Variants in TP53BP1 observed in about 807,000 individuals in gnomAD.
TP53BP1 encodes tumor protein p53 binding protein 1.
TP53BP1 carries 61 observed loss-of-function variants against 200.8 expected under a neutral mutation model. That is an observed-to-expected ratio of 0.30 (90% CI 0.25 to 0.38). The LOEUF is 0.38. TP53BP1 is among the 10% of genes least tolerant of loss of function. The pLI is 1.00. For synonymous variants in TP53BP1, 822 were observed against 844.3 expected (o/e 0.97, Z 0.46); for missense variants, 2,144 against 2,371.9 (o/e 0.90, Z 2.00).
intron 4 of TP53BP1, among the ~76,000 whole-genome samples, chr15:43,487,318 G>A (rs980327750): frequency 1.1e-4 from 12 of 108,720 alleles, no homozygotes; most frequent in African/African-American, 2.7e-4. Context: ...AACACCAAAT[G>A]CCAGTAAGGA....
Position 43,474,696 on chromosome 15 carries a change from G to A in TP53BP1, c.1157C>T (p.Pro386Leu). ...ACCTTGTCTCCCTTCTTGCTCTGTG[G>A]GACTGCTAGGAACGATAAAAGGAGT... is the stretch of plus-strand genomic sequence containing the variant. ...RSTPFIVPSSPTEQEGRQDKP... is the reference protein window; with the variant it reads ...RSTPFIVPSSLTEQEGRQDKP... Residue 386 changes from proline to leucine, a missense_variant, in exon 10 of 28, where the codon CCC (proline) becomes CTC (leucine). Physicochemically the swap from Pro to Leu is moderately conservative, Grantham distance 98. Coordinates refer to ENST00000382044, the MANE Select transcript of TP53BP1 (RefSeq NM_001141980.3). The A allele has an allele frequency of 6.2e-7, 1 of 1,612,606 alleles. No individual in the cohort carries two copies. The highest frequency in any genetic ancestry group is 8.5e-7 in the Non-Finnish European group (1 of 1,178,698).
At chr15:43,482,194 A>G (rs972208540) in intron 4 of TP53BP1, among the ~76,000 whole-genome samples, 1 of 152,018 alleles carries the variant, frequency 6.6e-6, no homozygotes, top group African/African-American at 2.4e-5. Flanking sequence ...GCGCCACTGC[A>G]CTCCAGCCTG....
intron 16 of TP53BP1, among the ~76,000 whole-genome samples, chr15:43,435,734 T>G (rs767134826): frequency 6.6e-6 from 1 of 152,036 alleles, no homozygotes; most frequent in Non-Finnish European, 1.5e-5. Context: ...TCTCACTCTC[T>G]CGCCAGGCTG....
At chr15:43,454,145 C>T (rs1041967190) in intron 12 of TP53BP1, among the ~76,000 whole-genome samples, 2 of 151,636 alleles carry the variant, frequency 1.3e-5, no homozygotes, top group Admixed American at 1.3e-4. Flanking sequence ...GCAGAGGTTG[C>T]AGTGAGCTGA....
intron 7 of TP53BP1, among the ~76,000 whole-genome samples, chr15:43,478,088 C>T (rs1389127266): frequency 6.6e-6 from 1 of 152,170 alleles, no homozygotes; most frequent in Non-Finnish European, 1.5e-5. Flanking sequence ...ATAAAGAATT[C>T]TGATCCAGAC....
At chr15:43,451,217 G>T (rs1030114141) in intron 12 of TP53BP1, among the ~76,000 whole-genome samples, 4 of 150,856 alleles carry the variant, frequency 2.7e-5, no homozygotes, top group Non-Finnish European at 5.9e-5. Flanking sequence ...AAGTTTTAGG[G>T]TACATGTGCA....
intron 11 of TP53BP1, among the ~76,000 whole-genome samples, chr15:43,460,585 T>C (rs2046406539): frequency 6.6e-6 from 1 of 152,144 alleles, no homozygotes; most frequent in African/African-American, 2.4e-5. Context: ...TTTAAGGGAA[T>C]GAGGAATCAA....
intron 11 of TP53BP1, among the ~76,000 whole-genome samples, chr15:43,460,029 T>C (rs1410140438): frequency 1.3e-5 from 2 of 152,184 alleles, no homozygotes; most frequent in Non-Finnish European, 1.5e-5. Flanking sequence ...CTCTCTACTT[T>C]GATGGTGGTG....
chr15:43,413,258 C>G lies in TP53BP1; in HGVS notation c.5166G>C (p.Glu1722Asp). 6.8e-6 allele frequency: 11 copies of G among 1,614,208 alleles called. No homozygotes were observed. The highest frequency in any genetic ancestry group is 9.3e-6 in the Non-Finnish European group (11 of 1,180,032). The change falls in exon 24 of 28, where the codon GAG (glutamate) becomes GAC (aspartate). Residue 1722 changes from glutamate to aspartate, a missense_variant. Physicochemically the swap from Glu to Asp is conservative, Grantham distance 45 (BLOSUM62 2). Around this residue, in one of 4 missense-constraint regions of TP53BP1, gnomAD observed 334 missense variants for 453.4 expected, o/e 0.74. Transcript: ENST00000382044. ...DNTGEPSALEEQRGPLPLNKT... is the reference protein window; with the variant it reads ...DNTGEPSALEDQRGPLPLNKT... ...TGTTGAGAGGCAAAGGCCCTCTCTG[C>G]TCTTCCAGGGCAGAGGGTTCACCGG...
Position 43,421,869 on chromosome 15 carries a change from G to A in TP53BP1, c.4086C>T (p.Gly1362=). ...CCTGTCTGCACCTCAGTTTTCCTGG[G>A]CCTCCTCGGGAGCTGGGTAAGGCAA... The part of the protein sequence containing the change: ...ADFALPSSRG[G]PGKLSPRKGV... Residue 1362 remains glycine (G), a synonymous_variant, in exon 19 of 28, where the codon GGC becomes GGT. Coordinates refer to ENST00000382044, the MANE Select transcript of TP53BP1 (RefSeq NM_001141980.3). The A allele has an allele frequency of 1.9e-6, 3 of 1,614,164 alleles. No homozygotes were observed. The highest frequency in any genetic ancestry group is 2.5e-6 in the Non-Finnish European group (3 of 1,180,024).
At position 43,414,005 on chromosome 15, in the gene TP53BP1, C is replaced by T. The variant is rs777724980; in HGVS notation, c.5090-671G>A. ...GAACCAGCCAGCCAGAACACCCATG[C>T]CAAGAGTGCCCCCAATAAGTCCTTG... On this transcript the variant is annotated intron_variant, in intron 23 of 27. Transcript: ENST00000382044. 417 of 406,358 alleles carry T rather than the reference C, an allele frequency of 1.0e-3. 1 individual carries two copies. Among genetic ancestry groups the T allele is most frequent in the Non-Finnish European group, 3.0e-4 (60 of 197,352 alleles). 25.2% of individuals were successfully genotyped at this position (406,358 alleles called of 1,614,324 possible). A position where few individuals can be genotyped will look rare whatever the true frequency, so the allele number is the denominator to read the frequency against.
At chr15:43,415,076 GGAA>G (rs1479780025) in intron 23 of TP53BP1, 2 of 182,120 alleles carry the variant, frequency 1.1e-5, no homozygotes, top group Non-Finnish European at 2.3e-5. Context: ...AGAATTTCCA[GGAA>G]GAAGATGGTG....
At chr15:43,413,004 G>C (rs2045162338) in intron 24 of TP53BP1, 115 bp downstream of exon 24, 1 of 924,032 alleles carries the variant, frequency 1.1e-6, no homozygotes, top group African/African-American at 1.7e-5. Context: ...CAAGATCCCA[G>C]TTGCTACTTG....
intron 21 of TP53BP1, among the ~76,000 whole-genome samples, chr15:43,419,534 TCC>T (rs1401661480): frequency 2.3e-4 from 33 of 141,060 alleles, no homozygotes; most frequent in African/African-American, 4.1e-4. Context: ...TAATTTATGT[TCC>T]TTTTTTTTTT....
chr15:43,428,274 G>T (rs574833866), intron 17 of TP53BP1, 106 bp from the exon 18 acceptor site: 4 of 973,372 alleles, frequency 4.1e-6, no homozygotes, highest in Non-Finnish European at 6.2e-6. Flanking sequence ...CATGAATCTA[G>T]TGTGACAGAA....
At position 43,407,574 on chromosome 15, in the gene TP53BP1, C is replaced by A. The variant is rs757226800; in HGVS notation, c.5747-4G>T. On this transcript the variant is annotated splice_polypyrimidine_tract_variant and splice_region_variant and intron_variant, in intron 27 of 27. Transcript: ENST00000382044. ...TCAAATACCCCTAAAGCAATATCTG[C>A]AAGGAGCAAGGGAAAGTGAAGAAGG... 2 of 1,608,998 alleles carry A rather than the reference C, an allele frequency of 1.2e-6. No homozygotes were observed. Among genetic ancestry groups the A allele is most frequent in the South Asian group, 2.2e-5 (2 of 90,668 alleles).
chr15:43,478,713 T>C (rs2078918518), intron 7 of TP53BP1, among the ~76,000 whole-genome samples: 2 of 152,186 alleles, frequency 1.3e-5, no homozygotes, highest in African/African-American at 4.8e-5. Flanking sequence ...AGATGCAGGA[T>C]ACCTAAGAAC....
chr15:43,452,572 CA>C lies in TP53BP1; in HGVS notation c.2716+3319del, dbSNP rs983442777. Among the ~76,000 whole-genome samples, 11 of 150,428 alleles carry C rather than the reference CA, an allele frequency of 7.3e-5. No individual in the cohort carries two copies. In the East Asian group the frequency reaches 1.6e-3, roughly 21 times the overall value. On this transcript the variant is annotated intron_variant, in intron 12 of 27. Transcript: ENST00000382044. ...AGTGAGACCCTGGCTCAAAAACAAACAAAAAAAAAGACAAAAAGCTATTATT... is the reference window on the plus strand; with the variant it reads ...AGTGAGACCCTGGCTCAAAAACAAACAAAAAAAAGACAAAAAGCTATTATT...
chr15:43,474,240 C>T (rs377316885), intron 10 of TP53BP1, among the ~76,000 whole-genome samples: 2 of 152,200 alleles, frequency 1.3e-5, no homozygotes, highest in Non-Finnish European at 1.5e-5. Flanking sequence ...CGCACAGCCC[C>T]GGTTGCTGCT....
Sources: gnomAD v4.1 joint callset for allele counts (sites outside exome capture counted in the v4.1 genomes callset) on GRCh38, gnomAD v4.1.1 for gene constraint, gnomAD v4.1.1 regional missense constraint, MANE v1.5 for transcripts, NCBI Gene and HGNC (gene_info 2026-07-23, HGNC 2026-07-21) for gene names.